Variants in USP7 observed in about 807,000 individuals in gnomAD.
USP7 encodes the protein ubiquitin specific peptidase 7, also known as ubiquitin C-terminal hydrolase 7.
USP7 carries 9 observed loss-of-function variants against 162.9 expected under a neutral mutation model. That is an observed-to-expected ratio of 0.06 (90% confidence interval 0.03 to 0.10). The LOEUF (loss-of-function observed/expected upper bound fraction) is 0.10, where lower values mean the gene tolerates loss of function less well. USP7 is among the 10% of genes least tolerant of loss of function. The pLI is 1.00. For synonymous variants in USP7, 562 were observed against 475.9 expected, an observed-to-expected ratio of 1.18 and a Z score of -2.35; for missense variants, 715 against 1,373.7, an observed-to-expected ratio of 0.52 and a Z score of 7.58.
At chr16:8,898,279 A>G (rs2061720473) in intron 25 of USP7, 81 bp downstream of exon 25, 1 of 1,173,984 alleles carries the variant, frequency 8.5e-7, no homozygotes, top group East Asian at 2.3e-5. Flanking sequence ...GTGGTGTCTT[A>G]GTTTTCAATG....
At chr16:8,906,684 A>C (rs2061865683) in intron 12 of USP7, 102 bp from the exon 13 acceptor site, 3 of 1,219,274 alleles carry the variant, frequency 2.5e-6, no homozygotes, top group Non-Finnish European at 3.4e-6. Context: ...CATCTTTAAT[A>C]GGATAAGCAT....
chr16:8,911,367 C>G (rs902593536), intron 10 of USP7, among the ~76,000 whole-genome samples: 3 of 152,226 alleles, frequency 2.0e-5, no homozygotes, highest in Non-Finnish European at 2.9e-5. Context: ...AAAAAGCAAA[C>G]AAGGACACAC....
chr16:8,923,847 C>G (rs866031889), intron 2 of USP7, among the ~76,000 whole-genome samples: 1 of 152,182 alleles, frequency 6.6e-6, no homozygotes, highest in African/African-American at 2.4e-5. Flanking sequence ...ACGGAACACA[C>G]AGGCAGGACT....
At position 8,903,136 on chromosome 16, in the gene USP7, C is replaced by CA. The variant is rs1047527530; in HGVS notation, c.1839+131dup. ...TCTCAGGCAGGAAATGTTCCTGGGT[C>CA]ACACTCCTCACTGTTAGGCAGTGGC... On this transcript the variant is annotated intron_variant, in intron 16 of 30. Transcript: ENST00000344836. The CA allele has an allele frequency of 3.3e-6, 4 of 1,224,452 alleles. No individual in the cohort carries two copies. In the Admixed American group the frequency reaches 1.0e-4, roughly 31 times the overall value. The allele number at this position is 1,224,452 out of a possible 1,614,324, so 75.8% of individuals were successfully genotyped here.
intron 10 of USP7, among the ~76,000 whole-genome samples, chr16:8,911,636 C>T (rs966237030): frequency 1.3e-5 from 2 of 152,246 alleles, no homozygotes; most frequent in African/African-American, 4.8e-5. Flanking sequence ...TGAAAGTTTA[C>T]AGGCTGCAGC....
intron 1 of USP7, among the ~76,000 whole-genome samples, chr16:8,945,382 TCAAA>T (rs989292882): frequency 4.6e-5 from 7 of 152,286 alleles, no homozygotes; most frequent in East Asian, 3.9e-4. Flanking sequence ...AGATGCTGTC[TCAAA>T]CAAACAAACA....
intron 1 of USP7, among the ~76,000 whole-genome samples, chr16:8,944,743 C>G (rs529386876): frequency 4.7e-4 from 72 of 152,342 alleles, no homozygotes; most frequent in African/African-American, 1.6e-3. Context: ...CCTACTCAGA[C>G]TCTCATGGAA....
chr16:8,906,042 G>C (rs2061854832), intron 13 of USP7, among the ~76,000 whole-genome samples: 1 of 152,214 alleles, frequency 6.6e-6, no homozygotes, highest in Non-Finnish European at 1.5e-5. Context: ...AAGACTGCAT[G>C]AGATCCCCAT....
chr16:8,936,512 T>C, intron 1 of USP7: 1 of 1,420,000 alleles, frequency 7.0e-7, no homozygotes, highest in Non-Finnish European at 9.2e-7. Flanking sequence ...GAAGTTTGGC[T>C]GAGACATGTC....
intron 21 of USP7, chr16:8,900,256 G>A (rs1596353695): frequency 2.8e-6 from 1 of 359,206 alleles, no homozygotes; most frequent in Non-Finnish European, 5.0e-6. Context: ...ATAAATCTCA[G>A]GGGAAGGAAG....
chr16:8,951,061 A>G (rs1177368708), intron 1 of USP7, among the ~76,000 whole-genome samples: 1 of 152,210 alleles, frequency 6.6e-6, no homozygotes, highest in Non-Finnish European at 1.5e-5. Context: ...CACGCAGAAA[A>G]CTAAGATAAA....
intron 1 of USP7, among the ~76,000 whole-genome samples, chr16:8,955,329 C>T (rs889104092): frequency 4.6e-5 from 7 of 152,198 alleles, no homozygotes; most frequent in Non-Finnish European, 8.8e-5. Flanking sequence ...ACTGTGGCCT[C>T]GACCTCCAAG....
At chr16:8,894,976 C>A in intron 28 of USP7, 55 bp downstream of exon 28, 1 of 1,613,258 alleles carries the variant, frequency 6.2e-7, no homozygotes, top group Non-Finnish European at 8.5e-7. Context: ...CAACAGCGGC[C>A]ACTCAAAGGC....
chr16:8,946,606 A>G (rs565311925), intron 1 of USP7, among the ~76,000 whole-genome samples: 1 of 152,358 alleles, frequency 6.6e-6, no homozygotes, highest in East Asian at 1.9e-4. Flanking sequence ...AAACTCAACT[A>G]AAAAGTCAGA....
chr16:8,904,212 G>T (rs2141177853), intron 15 of USP7, among the ~76,000 whole-genome samples: 1 of 152,298 alleles, frequency 6.6e-6, no homozygotes, highest in East Asian at 1.9e-4. Flanking sequence ...CCAAGCTCAG[G>T]AGAGCACGTG....
In USP7 at chr16:8,963,791, G is replaced by T. The variant is rs903818845; in HGVS notation, c.-506C>A. Among the ~76,000 whole-genome samples, 3 of 145,580 alleles carry T rather than the reference G, an allele frequency of 2.1e-5. No individual in the cohort carries two copies. Among genetic ancestry groups the T allele is most frequent in the African/African-American group, 7.4e-5 (3 of 40,602 alleles). On this transcript the variant is annotated 5_prime_UTR_variant, in exon 1 of 31. Transcript: ENST00000344836. ...AGCGGGCGGGCGACGGGCCGGCCGC[G>T]TTCCGAGAGCCGCGGCCTCCGCCTC...
intron 1 of USP7, among the ~76,000 whole-genome samples, chr16:8,942,160 G>A (rs1268541937): frequency 1.3e-5 from 2 of 152,246 alleles, no homozygotes; most frequent in East Asian, 1.9e-4. Flanking sequence ...GGCCTTGAAG[G>A]CCACGATAAG....
At chr16:8,917,523 C>T (rs2141204845) in intron 6 of USP7, among the ~76,000 whole-genome samples, 1 of 151,366 alleles carries the variant, frequency 6.6e-6, no homozygotes, top group Admixed American at 6.6e-5. Context: ...GAATTACAGG[C>T]ACGCACCACC....
chr16:8,897,310 G>C (rs148921696), intron 25 of USP7: 24 of 517,608 alleles, frequency 4.6e-5, no homozygotes, highest in Admixed American at 2.1e-4. Flanking sequence ...AAATACTGAC[G>C]GGAGGTTAAC....
Sources: allele counts gnomAD v4.1 joint callset (sites outside exome capture counted in the v4.1 genomes callset), GRCh38; gene constraint gnomAD v4.1.1; transcripts MANE v1.5; gene names NCBI Gene and HGNC (gene_info 2026-07-23, HGNC 2026-07-21).